Variants in MCC observed in about 807,000 individuals in gnomAD.
MCC encodes colorectal mutant cancer protein.
In MCC, 90 loss-of-function variants were observed where a neutral mutation model predicts 116.2. The observed-to-expected ratio is 0.77, with a 90% CI of 0.65 to 0.92. MCC has a LOEUF of 0.92. Among genes scored for constraint, MCC ranks in the 40% least tolerant of loss-of-function variants. The pLI, the probability that MCC is intolerant of heterozygous loss-of-function variation, is 0.00. For synonymous variants in MCC, 578 were observed against 510.5 expected (o/e 1.13, Z -1.78); for missense variants, 1,516 against 1,312.2 (o/e 1.16, Z -2.40).
intron 17 of MCC, among the ~76,000 whole-genome samples, chr5:113,043,134 A>C (rs1387471174): frequency 6.6e-6 from 1 of 152,210 alleles, no homozygotes; most frequent in Non-Finnish European, 1.5e-5. Context: ...CCCAGAACTA[A>C]ATAAATACAC....
intron 3 of MCC, among the ~76,000 whole-genome samples, chr5:113,163,524 A>G (rs1760615273): frequency 6.6e-6 from 1 of 151,704 alleles, no homozygotes; most frequent in Non-Finnish European, 1.5e-5. Context: ...CCTTAGTATG[A>G]CCTGACATCA....
At chr5:113,403,018 T>A (rs1012138562) in intron 1 of MCC, among the ~76,000 whole-genome samples, 1 of 152,140 alleles carries the variant, frequency 6.6e-6, no homozygotes, top group South Asian at 2.1e-4. Flanking sequence ...TGAACACTTT[T>A]ATGCTTTCAG....
At position 113,068,060 on chromosome 5, in the gene MCC, G is replaced by A; in HGVS notation, c.2029+20C>T. 1 of 1,599,760 alleles carries A rather than the reference G, an allele frequency of 6.3e-7. No homozygotes were observed. The highest frequency in any genetic ancestry group is 8.6e-7 in the Non-Finnish European group (1 of 1,166,918). ...AGGCAGGGAGACAAGAGGAGGAAGA[G>A]GGACTCTGGAGACACTTACCAGGGG... On this transcript the variant is annotated intron_variant, in intron 13 of 18. Coordinates refer to ENST00000408903, the MANE Select transcript of MCC (RefSeq NM_001085377.2).
At chr5:113,076,203 G>C (rs113343624) in intron 11 of MCC, among the ~76,000 whole-genome samples, 9 of 152,156 alleles carry the variant, frequency 5.9e-5, no homozygotes, top group African/African-American at 1.9e-4. Flanking sequence ...TGAAAGTGAT[G>C]GGGAGAATGG....
At chr5:113,313,460 T>C (rs1581392693) in intron 3 of MCC, among the ~76,000 whole-genome samples, 1 of 152,212 alleles carries the variant, frequency 6.6e-6, no homozygotes, top group African/African-American at 2.4e-5. Context: ...TTATGGCTCC[T>C]ATTCTGGCCC....
Position 113,151,344 on chromosome 5 carries a change from G to A in MCC, c.706C>T (p.Arg236Trp), listed in dbSNP as rs775881721. 29 of 1,613,600 alleles carry A rather than the reference G, an allele frequency of 1.8e-5. No individual in the cohort carries two copies. Among genetic ancestry groups the A allele is most frequent in the Non-Finnish European group, 2.2e-5 (26 of 1,179,726 alleles). The change falls in exon 4 of 19, where the codon CGG becomes TGG. Residue 236 changes from arginine (R) to tryptophan (W), a missense_variant. Physicochemically the swap from Arg to Trp is moderately radical, Grantham distance 101 (BLOSUM62 -3). Coordinates refer to ENST00000408903, the MANE Select transcript of MCC (RefSeq NM_001085377.2). Reference protein sequence around the residue: ...NKRLQQTERERDLLEKKLAKA... With the variant: ...NKRLQQTEREWDLLEKKLAKA... ...GCCAATTTCTTTTCCAGAAGGTCCC[G>A]TTCCCTCTCTGTTTGCTGGAGACGT...
At chr5:113,191,539 G>T (rs1273286706) in intron 3 of MCC, among the ~76,000 whole-genome samples, 1 of 152,140 alleles carries the variant, frequency 6.6e-6, no homozygotes, top group Non-Finnish European at 1.5e-5. Flanking sequence ...TGAGCAAAGG[G>T]GAGAAACAGG....
chr5:113,472,970 T>C (rs565595309), intron 1 of MCC, among the ~76,000 whole-genome samples: 6 of 152,228 alleles, frequency 3.9e-5, no homozygotes, highest in Non-Finnish European at 7.3e-5. Flanking sequence ...CAACGCATGA[T>C]GTCAGGTAGT....
chr5:113,244,569 T>C (rs1764500241), intron 3 of MCC, among the ~76,000 whole-genome samples: 1 of 152,214 alleles, frequency 6.6e-6, no homozygotes, highest in Admixed American at 6.5e-5. Flanking sequence ...ATTTGGTTAC[T>C]AGGAGTCTCT....
chr5:113,472,167 G>A (rs1580420524), intron 1 of MCC, among the ~76,000 whole-genome samples: 1 of 152,124 alleles, frequency 6.6e-6, no homozygotes, highest in African/African-American at 2.4e-5. Context: ...TGCACTCACT[G>A]TCCTGCACCT....
At chr5:113,029,121 T>TG in intron 17 of MCC, 65 bp from the exon 18 acceptor site, 1 of 1,485,574 alleles carries the variant, frequency 6.7e-7, no homozygotes, top group East Asian at 2.4e-5. Context: ...GCCCACTCCC[T>TG]GGGAAGTGGT....
At chr5:113,056,584 T>G (rs975749596) in intron 14 of MCC, among the ~76,000 whole-genome samples, 2 of 152,098 alleles carry the variant, frequency 1.3e-5, no homozygotes, top group African/African-American at 2.4e-5. Context: ...GGGTACAGAA[T>G]AGCAGAAGGG....
chr5:113,296,183 C>T (rs797001182), intron 3 of MCC, among the ~76,000 whole-genome samples: 6 of 152,184 alleles, frequency 3.9e-5, no homozygotes, highest in African/African-American at 1.4e-4. Flanking sequence ...AGATGGGAAG[C>T]TACATTATTT....
intron 3 of MCC, among the ~76,000 whole-genome samples, chr5:113,158,594 G>C (rs1290726254): frequency 2.0e-5 from 3 of 152,142 alleles, no homozygotes; most frequent in East Asian, 3.8e-4. Context: ...AGGGGCTTGG[G>C]CTAGGCACAT....
At chr5:113,190,587 G>A (rs375021594) in intron 3 of MCC, among the ~76,000 whole-genome samples, 1 of 152,186 alleles carries the variant, frequency 6.6e-6, no homozygotes, top group South Asian at 2.1e-4. Context: ...TTCAGTATTA[G>A]TGTCCCTTCT....
In MCC at chr5:113,101,492, G is replaced by A. The variant is rs1029412058; in HGVS notation, c.1398+247C>T. On this transcript the variant is annotated intron_variant, in intron 8 of 18. Coordinates refer to ENST00000408903, the MANE Select transcript of MCC (RefSeq NM_001085377.2). ...GAAAGTTTAGAATCACTGCCCCGAT[G>A]TAATTTTATCAACCAGTCAGATTTA... 26 of 519,376 alleles carry A rather than the reference G, an allele frequency of 5.0e-5. No individual in the cohort carries two copies. In the South Asian group the frequency reaches 5.2e-4, roughly 10 times the overall value. 32.2% of individuals were successfully genotyped at this position (519,376 alleles called of 1,614,324 possible).
chr5:113,134,555 C>CTTTTTTTT, intron 5 of MCC, among the ~76,000 whole-genome samples: 4 of 30,122 alleles, frequency 1.3e-4, no homozygotes, highest in Non-Finnish European at 1.8e-4. Flanking sequence ...GCTATTTGGG[C>CTTTTTTTT]TTTTTTTTTT....
At chr5:113,135,128 C>T (rs1438827653) in intron 5 of MCC, among the ~76,000 whole-genome samples, 2 of 151,102 alleles carry the variant, frequency 1.3e-5, no homozygotes, top group African/African-American at 2.4e-5. Context: ...TTAGTGGAGA[C>T]GGGGTTTCAC....
Position 113,101,738 on chromosome 5 carries a change from C to A in MCC, c.1398+1G>T. The A allele has an allele frequency of 1.2e-6, 2 of 1,613,026 alleles. No individual in the cohort carries two copies. The highest frequency in any genetic ancestry group is 1.7e-6 in the Non-Finnish European group (2 of 1,180,024). On this transcript the variant is annotated splice_donor_variant, in intron 8 of 18. Transcript: ENST00000408903. LOFTEE classifies it high-confidence loss of function. ...GACCATTATGGATGCAGCATGCTCA[C>A]CCTCCTCCGGAGCCGGTCCCGCTCT... is the stretch of plus-strand genomic sequence containing the variant.
Sources: allele counts gnomAD v4.1 joint callset (sites outside exome capture counted in the v4.1 genomes callset), GRCh38; gene constraint gnomAD v4.1.1; transcripts MANE v1.5; gene names NCBI Gene and HGNC (gene_info 2026-07-23, HGNC 2026-07-21).